NUP93: variants seen among roughly 807,000 people sequenced by gnomAD.
NUP93 encodes the protein nucleoporin 93, also known as nuclear pore complex protein Nup93.
Under a neutral mutation model 107.8 loss-of-function variants are expected in NUP93, and 55 were observed. The observed-to-expected ratio is 0.51, with a 90% CI of 0.41 to 0.64. The LOEUF is 0.64. Ranked by LOEUF, NUP93 falls within the 30% of genes least tolerant of loss-of-function variation. The pLI is 0.00. For missense variants in NUP93, 937 were observed against 1,044.7 expected (o/e 0.90, Z 1.42); for synonymous variants, 390 against 397.5 (o/e 0.98, Z 0.22).
intron 5 of NUP93, among the ~76,000 whole-genome samples, chr16:56,806,631 A>C (rs1248516525): frequency 2.6e-5 from 4 of 152,124 alleles, no homozygotes; most frequent in Non-Finnish European, 5.9e-5. Flanking sequence ...TGGCTGCAGA[A>C]ATTATTTTCT....
Position 56,845,620 on chromosome 16 carries a change from G to A in NUP93, c.*1011G>A, listed in dbSNP as rs570596176. The A allele has an allele frequency of 2.0e-5, 3 of 152,314 alleles. No individual in the cohort carries two copies. Among genetic ancestry groups the A allele is most frequent in the Admixed American group, 1.3e-4 (2 of 15,288 alleles). 9.4% of individuals were successfully genotyped at this position (152,314 alleles called of 1,614,324 possible). On this transcript the variant is annotated 3_prime_UTR_variant, in exon 22 of 22. Coordinates refer to ENST00000308159, the MANE Select transcript of NUP93 (RefSeq NM_014669.5). ...ACTAAACCAGAGAGCAAATTAGGTCGTGTTTGTTCCTGAATGGGCCAACTG... is the reference window on the plus strand; with the variant it reads ...ACTAAACCAGAGAGCAAATTAGGTCATGTTTGTTCCTGAATGGGCCAACTG...
At position 56,844,610 on chromosome 16, in the gene NUP93, G is replaced by A. The variant is rs746051995; in HGVS notation, c.*1G>A. The A allele has an allele frequency of 1.8e-5, 29 of 1,586,998 alleles. No individual in the cohort carries two copies. Among genetic ancestry groups the A allele is most frequent in the South Asian group, 4.6e-5 (4 of 87,386 alleles). On this transcript the variant is annotated 3_prime_UTR_variant, in exon 22 of 22. Coordinates refer to ENST00000308159, the MANE Select transcript of NUP93 (RefSeq NM_014669.5). ...GCAGATGGAGGTCCTCATGAATTAA[G>A]TGCCATGCTTTGTGGGAGTCTGGGT...
intron 3 of NUP93, among the ~76,000 whole-genome samples, chr16:56,760,547 G>A (rs1962105392): frequency 6.6e-6 from 1 of 152,056 alleles, no homozygotes; most frequent in African/African-American, 2.4e-5. Flanking sequence ...ACGTCACATG[G>A]TGAAAGCAGG....
chr16:56,778,165 G>A (rs1177158926), intron 3 of NUP93, among the ~76,000 whole-genome samples: 2 of 152,152 alleles, frequency 1.3e-5, no homozygotes, highest in Non-Finnish European at 2.9e-5. Flanking sequence ...GCGTGGAAGC[G>A]GTTAATAACG....
intron 5 of NUP93, among the ~76,000 whole-genome samples, chr16:56,814,333 G>A (rs575189419): frequency 5.3e-5 from 8 of 152,160 alleles, no homozygotes; most frequent in African/African-American, 1.4e-4. Context: ...CTACAGGCGC[G>A]TTCTGCCACA....
At chr16:56,832,414 T>C in intron 12 of NUP93, 26 bp downstream of exon 12, 1 of 1,566,812 alleles carries the variant, frequency 6.4e-7, no homozygotes, top group Non-Finnish European at 8.8e-7. Flanking sequence ...TAACCACCTT[T>C]CCCTTCTCTT....
rs373643224 is a variant in NUP93, at chr16:56,832,405, A to G, written c.1345+17A>G. 35 of 1,592,210 alleles carry G rather than the reference A, an allele frequency of 2.2e-5. No homozygotes were observed. The Middle Eastern group carries it at 5.0e-4, about 23-fold the overall frequency. ...AAGACTATGGTAAGATTCTGGACAT[A>G]ACCACCTTTCCCTTCTCTTGTCCAC... On this transcript the variant is annotated intron_variant, in intron 12 of 21. Coordinates refer to ENST00000308159, the MANE Select transcript of NUP93 (RefSeq NM_014669.5).
chr16:56,774,513 G>GATGCC (rs532800071), intron 3 of NUP93, among the ~76,000 whole-genome samples: 59 of 151,786 alleles, frequency 3.9e-4, no homozygotes, highest in African/African-American at 1.4e-3. Context: ...AGTAACAACA[G>GATGCC]ATGCCATGAG....
intron 1 of NUP93, among the ~76,000 whole-genome samples, chr16:56,742,593 A>G (rs770454362): frequency 2.0e-5 from 3 of 152,236 alleles, no homozygotes; most frequent in African/African-American, 4.8e-5. Flanking sequence ...AGCCCGAACT[A>G]TTCACTACCT....
intron 5 of NUP93, among the ~76,000 whole-genome samples, chr16:56,805,872 C>G (rs1049410377): frequency 8.6e-5 from 13 of 151,848 alleles, no homozygotes; most frequent in African/African-American, 3.1e-4. Flanking sequence ...TTTGAGTGTC[C>G]CAGGGCTCAG....
rs116003348 is a variant in NUP93 at position 56,741,205 on chromosome 16, A to G, written c.-14-7029A>G. ...TAAATAAGTTATAATTTGGGATTAAATATTTACTAAAAGATTTTTTGAAGC... is the reference window on the plus strand; with the variant it reads ...TAAATAAGTTATAATTTGGGATTAAGTATTTACTAAAAGATTTTTTGAAGC... On this transcript the variant is annotated intron_variant, in intron 1 of 21. Coordinates refer to ENST00000308159, the MANE Select transcript of NUP93 (RefSeq NM_014669.5). Among the ~76,000 whole-genome samples the G allele has an allele frequency of 3.5e-3, 527 of 152,388 alleles. 1 individual carries two copies. The highest frequency in any genetic ancestry group is 0.012 in the African/African-American group (512 of 41,594).
intron 5 of NUP93, among the ~76,000 whole-genome samples, chr16:56,808,566 AT>A (rs1963227026): frequency 8.0e-6 from 1 of 125,538 alleles, no homozygotes; most frequent in Non-Finnish European, 1.6e-5. Flanking sequence ...AAATATATAA[AT>A]ACATTTATAT....
chr16:56,811,057 A>T (rs1470127956), intron 5 of NUP93, among the ~76,000 whole-genome samples: 1 of 152,164 alleles, frequency 6.6e-6, no homozygotes, highest in African/African-American at 2.4e-5. Flanking sequence ...TTCTTTTATA[A>T]ATAGTACTAT....
At chr16:56,770,069 T>C (rs1962291988) in intron 3 of NUP93, among the ~76,000 whole-genome samples, 1 of 152,226 alleles carries the variant, frequency 6.6e-6, no homozygotes, top group African/African-American at 2.4e-5. Flanking sequence ...AGCTGAACAT[T>C]AACACCTGAT....
intron 3 of NUP93, among the ~76,000 whole-genome samples, chr16:56,776,701 T>C (rs1209611857): frequency 1.3e-5 from 2 of 152,348 alleles, no homozygotes; most frequent in East Asian, 1.9e-4. Context: ...TAAAATTCCA[T>C]GAAATCTGGG....
chr16:56,815,865 ACTGCTGCTGCTG>A (rs59958027), intron 5 of NUP93, among the ~76,000 whole-genome samples: 18 of 147,078 alleles, frequency 1.2e-4, no homozygotes, highest in South Asian at 1.1e-3. Context: ...TACTACTGCT[ACTGCTGCTGCTG>A]CTGCTGCTGC....
chr16:56,730,551 G>A (rs1310353382), intron 1 of NUP93, among the ~76,000 whole-genome samples: 3 of 152,090 alleles, frequency 2.0e-5, no homozygotes, highest in Non-Finnish European at 4.4e-5. Flanking sequence ...CCCTGCCTAA[G>A]CCTGCGCCAC....
chr16:56,779,697 A>C, intron 3 of NUP93, among the ~76,000 whole-genome samples: 1 of 152,288 alleles, frequency 6.6e-6, no homozygotes, highest in Middle Eastern at 3.4e-3. Flanking sequence ...ATACTCGTAG[A>C]TGGAGGAAGA....
At chr16:56,750,411 A>C (rs183242919) in intron 2 of NUP93, among the ~76,000 whole-genome samples, 91 of 152,376 alleles carry the variant, frequency 6.0e-4, no homozygotes, top group African/African-American at 2.0e-3. Context: ...AAGTTTTGAA[A>C]GAAAATTCTG....
Sources: gnomAD v4.1 joint callset for allele counts (sites outside exome capture counted in the v4.1 genomes callset) on GRCh38, gnomAD v4.1.1 for gene constraint, MANE v1.5 for transcripts, NCBI Gene and HGNC (gene_info 2026-07-23, HGNC 2026-07-21) for gene names.